PTPRF: variants seen among roughly 807,000 people sequenced by gnomAD.
The protein encoded by PTPRF is protein tyrosine phosphatase receptor type F.
In PTPRF, 59 loss-of-function variants were observed where a neutral mutation model predicts 201.8. That is an observed-to-expected ratio of 0.29 (90% CI 0.24 to 0.36). PTPRF has a LOEUF of 0.36. PTPRF is among the 10% of genes least tolerant of loss of function. The pLI is 1.00. For synonymous variants in PTPRF, 1,088 were observed against 1,089.7 expected, an observed-to-expected ratio of 1.00 and a Z score of 0.03; for missense variants, 2,132 against 2,690.5, an observed-to-expected ratio of 0.79 and a Z score of 4.59.
At chr1:43,533,147 C>T in intron 1 of PTPRF, among the ~76,000 whole-genome samples, 1 of 151,894 alleles carries the variant, frequency 6.6e-6, no homozygotes, top group East Asian at 1.9e-4. Flanking sequence ...TCTTTCTTTC[C>T]TTTAACAAGA....
intron 6 of PTPRF, among the ~76,000 whole-genome samples, chr1:43,570,699 C>A (rs968994571): frequency 1.3e-5 from 2 of 152,260 alleles, no homozygotes; most frequent in African/African-American, 4.8e-5. Context: ...GCCTCACAGC[C>A]CCTTGGTGCC....
intron 21 of PTPRF, among the ~76,000 whole-genome samples, chr1:43,608,910 C>T (rs1297040571): frequency 8.5e-5 from 13 of 152,192 alleles, no homozygotes; most frequent in South Asian, 4.1e-4. Flanking sequence ...GCTAGGGTGA[C>T]GCCTTTCCCG....
At chr1:43,606,704 A>C in intron 20 of PTPRF, 110 bp from the exon 21 acceptor site, 2 of 1,444,354 alleles carry the variant, frequency 1.4e-6, no homozygotes, top group Non-Finnish European at 1.9e-6. Context: ...GGTCTGGGAG[A>C]CCAGGCCCAG....
intron 21 of PTPRF, among the ~76,000 whole-genome samples, chr1:43,608,562 T>C (rs1393455643): frequency 6.6e-6 from 1 of 152,180 alleles, no homozygotes; most frequent in African/African-American, 2.4e-5. Context: ...GGATGCTTCT[T>C]CTCTGGGGCA....
In PTPRF at chr1:43,590,983, C is replaced by T. The variant is rs756729737; in HGVS notation, c.961C>T (p.Pro321Ser). The change falls in exon 9 of 34, where the codon CCT becomes TCT. Residue 321 changes from proline (P) to serine (S), a missense_variant. Pro to Ser is a moderately conservative substitution (Grantham distance 74). Around this residue, in one of 6 missense-constraint regions of PTPRF, gnomAD observed 297 missense variants for 454.0 expected, o/e 0.65. Transcript: ENST00000359947. The stretch of plus-strand genomic sequence containing the variant: ...CACTTTGTCTCCAGCTCTTCCAAAG[C>T]CTCCGATTGATCTTGTGGTGACAGA... ...AQVTVKALPK[P>S]PIDLVVTETT... 2 of 1,607,490 alleles carry T rather than the reference C, an allele frequency of 1.2e-6. No individual in the cohort carries two copies. Among genetic ancestry groups the T allele is most frequent in the Non-Finnish European group, 1.7e-6 (2 of 1,174,714 alleles).
chr1:43,612,770 T>G (rs779249446), intron 22 of PTPRF: 6 of 1,365,956 alleles, frequency 4.4e-6, no homozygotes, highest in Non-Finnish European at 5.9e-6. Flanking sequence ...CTCTGCAGGT[T>G]CCAGTGTCCC....
At chr1:43,597,712 C>G in intron 11 of PTPRF, 36 bp from the exon 12 acceptor site, 1 of 1,345,610 alleles carries the variant, frequency 7.4e-7, no homozygotes, top group Non-Finnish European at 1.0e-6. Flanking sequence ...TCCCCACCCT[C>G]CATCTGCTTG....
At position 43,591,912 on chromosome 1, in the gene PTPRF, A is replaced by T. The variant is rs932846356; in HGVS notation, c.1632A>T (p.Glu544Asp). 25 of 1,613,462 alleles carry T rather than the reference A, an allele frequency of 1.5e-5. No individual in the cohort carries two copies. Among genetic ancestry groups the T allele is most frequent in the Non-Finnish European group, 2.1e-5 (25 of 1,180,000 alleles). Residue 544 changes from glutamate to aspartate, a missense_variant, in exon 10 of 34, where the codon GAA becomes GAT. Physicochemically the swap from Glu to Asp is conservative, Grantham distance 45 (BLOSUM62 2). Around this residue, in one of 6 missense-constraint regions of PTPRF, gnomAD observed 351 missense variants for 401.7 expected, o/e 0.87. Coordinates refer to ENST00000359947, the MANE Select transcript of PTPRF (RefSeq NM_002840.5). ...LPPQERIIMY[E>D]LVYWAAEDED... is the part of the protein sequence containing the mutation. ...CTCAGGAGCGGATCATCATGTATGA[A>T]CTGGTGTACTGGGCGGCAGAGGACG...
At chr1:43,586,345 T>C (rs1259739837) in intron 7 of PTPRF, among the ~76,000 whole-genome samples, 1 of 152,234 alleles carries the variant, frequency 6.6e-6, no homozygotes. Context: ...CTTGCCTGCC[T>C]GTGCCTGTCC....
At chr1:43,528,055 C>T (rs1266255885), upstream of PTPRF, among the ~76,000 whole-genome samples, 1 of 152,230 alleles carries the variant, frequency 6.6e-6, no homozygotes, top group Non-Finnish European at 1.5e-5. Flanking sequence ...CAAGGAACTG[C>T]TGTCCACAGG....
chr1:43,572,030 A>G (rs1201409067), intron 6 of PTPRF, among the ~76,000 whole-genome samples: 1 of 152,142 alleles, frequency 6.6e-6, no homozygotes, highest in Non-Finnish European at 1.5e-5. Flanking sequence ...GACCCTCCTA[A>G]CACTGAGCTG....
At chr1:43,543,096 C>T (rs1046462657) in intron 2 of PTPRF, among the ~76,000 whole-genome samples, 11 of 152,188 alleles carry the variant, frequency 7.2e-5, no homozygotes, top group African/African-American at 2.7e-4. Context: ...ACTCATGTGT[C>T]TCATTCAGGG....
intron 23 of PTPRF, among the ~76,000 whole-genome samples, chr1:43,615,798 C>T (rs1475085882): frequency 6.6e-6 from 1 of 152,064 alleles, no homozygotes; most frequent in Non-Finnish European, 1.5e-5. Flanking sequence ...GATCTCCTGA[C>T]CTCGTGATCC....
chr1:43,544,504 G>T (rs1644537959), intron 2 of PTPRF, among the ~76,000 whole-genome samples: 1 of 152,186 alleles, frequency 6.6e-6, no homozygotes, highest in Non-Finnish European at 1.5e-5. Context: ...GTGGAGTCTG[G>T]CCTCCCACCT....
chr1:43,535,731 A>G (rs1015155245), intron 1 of PTPRF, among the ~76,000 whole-genome samples: 1 of 151,894 alleles, frequency 6.6e-6, no homozygotes, highest in African/African-American at 2.4e-5. Flanking sequence ...TGTGGACTTC[A>G]CCCCTTCTGA....
In PTPRF at chr1:43,619,339, G is replaced by A. The variant is rs1241080744; in HGVS notation, c.4698G>A (p.Glu1566=). 2.5e-6 allele frequency: 4 copies of A among 1,613,928 alleles called. No individual in the cohort carries two copies. In the South Asian group the frequency reaches 3.3e-5, roughly 13 times the overall value. ...GCFIVIDAML[E]RMKHEKTVDI... ...TCATCGTGATTGATGCCATGTTGGAGCGGATGAAGCACGAGAAGACGGTGG... is the reference window on the plus strand; with the variant it reads ...TCATCGTGATTGATGCCATGTTGGAACGGATGAAGCACGAGAAGACGGTGG... The change falls in exon 28 of 34, where the codon GAG becomes GAA. Residue 1566 remains glutamate (E), a synonymous_variant. Transcript: ENST00000359947.
chr1:43,604,913 G>T lies in PTPRF; in HGVS notation c.3048G>T (p.Lys1016Asn). The change falls in exon 17 of 34, where the codon AAG becomes AAT. Residue 1016 changes from lysine (K) to asparagine (N), a missense_variant. By Grantham distance (94) the Lys-to-Asn change is moderately conservative. Coordinates refer to ENST00000359947, the MANE Select transcript of PTPRF (RefSeq NM_002840.5). The part of the protein sequence containing the change: ...RTMPVEQVFA[K>N]NFRVAAAMKT... ...TCTATGCCTTTGCAGTGTTTGCCAA[G>T]AACTTCCGGGTGGCGGCTGCAATGA... is the stretch of plus-strand genomic sequence containing the variant. 1 of 1,614,026 alleles carries T rather than the reference G, an allele frequency of 6.2e-7. No individual in the cohort carries two copies. The highest frequency in any genetic ancestry group is 2.2e-5 in the East Asian group (1 of 44,884).
intron 7 of PTPRF, among the ~76,000 whole-genome samples, chr1:43,582,298 G>C (rs1417075822): frequency 6.6e-6 from 1 of 152,204 alleles, no homozygotes; most frequent in South Asian, 2.1e-4. Flanking sequence ...GTAGCCTCTC[G>C]GATAGCACTG....
intron 14 of PTPRF, among the ~76,000 whole-genome samples, chr1:43,602,634 C>T (rs1215764971): frequency 6.6e-6 from 1 of 152,144 alleles, no homozygotes; most frequent in Non-Finnish European, 1.5e-5. Flanking sequence ...GTGGTCCCTG[C>T]CCTGCTTCCC....
Sources: allele counts gnomAD v4.1 joint callset (sites outside exome capture counted in the v4.1 genomes callset), GRCh38; gene constraint gnomAD v4.1.1; regional missense constraint gnomAD v4.1.1; transcripts MANE v1.5; gene names NCBI Gene and HGNC (gene_info 2026-07-23, HGNC 2026-07-21).